The following FCHSD2 variants were observed in gnomAD, a reference collection of about 807,000 sequenced individuals.
FCHSD2 encodes the protein F-BAR and double SH3 domains protein 2.
FCHSD2 carries 38 observed loss-of-function variants against 108.1 expected under a neutral mutation model. The ratio of observed to expected loss-of-function variants is 0.35; its 90% CI spans 0.27 to 0.46. FCHSD2 has a LOEUF of 0.46. FCHSD2 is among the 20% of genes least tolerant of loss of function. The pLI, the probability that FCHSD2 is intolerant of heterozygous loss-of-function variation, is 1.00. For synonymous variants in FCHSD2, 279 were observed against 314.7 expected, an observed-to-expected ratio of 0.89 and a Z score of 1.20; for missense variants, 751 against 897.8, an observed-to-expected ratio of 0.84 and a Z score of 2.09.
At chr11:72,904,797 A>C (rs952844960) in intron 9 of FCHSD2, among the ~76,000 whole-genome samples, 1 of 152,074 alleles carries the variant, frequency 6.6e-6, no homozygotes, top group Non-Finnish European at 1.5e-5. Flanking sequence ...TTCTTCATCT[A>C]TCTCTCCTTT....
At chr11:72,897,123 A>G (rs551681233) in intron 10 of FCHSD2, among the ~76,000 whole-genome samples, 94 of 152,146 alleles carry the variant, frequency 6.2e-4, no homozygotes, top group African/African-American at 2.2e-3. Context: ...GTGAGCCACC[A>G]CGCCCGGCCG....
chr11:73,124,137 A>T (rs536564510), intron 2 of FCHSD2, among the ~76,000 whole-genome samples: 1 of 152,238 alleles, frequency 6.6e-6, no homozygotes, highest in South Asian at 2.1e-4. Context: ...GGAAACCATC[A>T]CTCTGAGCAA....
chr11:72,976,716 T>C (rs1235657047), intron 8 of FCHSD2, among the ~76,000 whole-genome samples: 2 of 152,016 alleles, frequency 1.3e-5, no homozygotes, highest in Non-Finnish European at 2.9e-5. Context: ...CACAGACCAA[T>C]GGAACAGAAG....
chr11:73,094,658 T>C (rs1368938689), intron 2 of FCHSD2, among the ~76,000 whole-genome samples: 1 of 152,212 alleles, frequency 6.6e-6, no homozygotes, highest in Non-Finnish European at 1.5e-5. Context: ...TGCTTAAATA[T>C]ACCTCATATT....
In FCHSD2 at chr11:73,001,015, C is replaced by T. The variant is rs776890422; in HGVS notation, c.362G>A (p.Ser121Asn). The T allele has an allele frequency of 1.2e-6, 2 of 1,610,234 alleles. No individual in the cohort carries two copies. The highest frequency in any genetic ancestry group is 2.2e-5 in the South Asian group (2 of 90,248). Residue 121 changes from serine to asparagine, a missense_variant, in exon 5 of 20, where the codon AGC (serine) becomes AAC (asparagine). Transcript: ENST00000409418. ...FISEPARTVR[S>N]LKEQQLKRCV... ...CCTTTTTAGTTGCTGTTCTTTTAAGCTTCTCACTGTCCTTGCAGGCTCAGA... is the reference window on the plus strand; with the variant it reads ...CCTTTTTAGTTGCTGTTCTTTTAAGTTTCTCACTGTCCTTGCAGGCTCAGA...
At chr11:73,040,209 C>T (rs1858601152) in intron 3 of FCHSD2, among the ~76,000 whole-genome samples, 1 of 152,146 alleles carries the variant, frequency 6.6e-6, no homozygotes, top group African/African-American at 2.4e-5. Context: ...CCACAATGGC[C>T]CCAAAGACGA....
intron 14 of FCHSD2, among the ~76,000 whole-genome samples, chr11:72,847,225 C>G (rs1437570955): frequency 6.6e-6 from 1 of 152,122 alleles, no homozygotes; most frequent in African/African-American, 2.4e-5. Flanking sequence ...CTCAAACTCC[C>G]GGCTTCAAGT....
chr11:72,994,790 T>A (rs146778682), intron 5 of FCHSD2, among the ~76,000 whole-genome samples: 118 of 152,090 alleles, frequency 7.8e-4, no homozygotes, highest in African/African-American at 2.7e-3. Context: ...AAAAAAGATA[T>A]AGTGCAAACT....
At chr11:72,893,409 A>G (rs1167615623) in intron 10 of FCHSD2, among the ~76,000 whole-genome samples, 1 of 152,072 alleles carries the variant, frequency 6.6e-6, no homozygotes, top group Non-Finnish European at 1.5e-5. Context: ...TTGACCTCCC[A>G]AGCTCAAGCA....
intron 2 of FCHSD2, 111 bp downstream of exon 2, chr11:73,139,920 A>T (rs1406226765): frequency 1.7e-6 from 1 of 601,464 alleles, no homozygotes; most frequent in Admixed American, 3.6e-5. Flanking sequence ...TAACAGCCTT[A>T]AAGCAGGAAA....
At chr11:73,117,416 T>G (rs1860629994) in intron 2 of FCHSD2, among the ~76,000 whole-genome samples, 1 of 152,208 alleles carries the variant, frequency 6.6e-6, no homozygotes, top group South Asian at 2.1e-4. Flanking sequence ...CTTTTAGGCA[T>G]ATTTTGGGTT....
chr11:73,081,185 C>G (rs1859675815), intron 3 of FCHSD2, among the ~76,000 whole-genome samples: 1 of 152,046 alleles, frequency 6.6e-6, no homozygotes, highest in Non-Finnish European at 1.5e-5. Context: ...CCTGAAATCC[C>G]AACACTTTGG....
chr11:73,084,027 C>G (rs1209185581), intron 2 of FCHSD2, among the ~76,000 whole-genome samples: 1 of 152,170 alleles, frequency 6.6e-6, no homozygotes, highest in Admixed American at 6.5e-5. Context: ...AATAACAGTA[C>G]TCACCTCATA....
At chr11:72,995,812 G>A (rs970847570) in intron 5 of FCHSD2, among the ~76,000 whole-genome samples, 14 of 151,324 alleles carry the variant, frequency 9.3e-5, no homozygotes, top group African/African-American at 3.4e-4. Flanking sequence ...ACAAATAAAA[G>A]TAACCTGGGC....
intron 2 of FCHSD2, among the ~76,000 whole-genome samples, chr11:73,103,140 G>C (rs1165979408): frequency 6.6e-6 from 1 of 152,170 alleles, no homozygotes; most frequent in Non-Finnish European, 1.5e-5. Flanking sequence ...TAGGATGATG[G>C]AAATGTTCTA....
chr11:73,038,530 A>T (rs1858554730), intron 3 of FCHSD2, among the ~76,000 whole-genome samples: 1 of 152,132 alleles, frequency 6.6e-6, no homozygotes, highest in Admixed American at 6.5e-5. Flanking sequence ...AAAAGAATGA[A>T]ATCTTGTCCT....
At chr11:72,979,584 A>C (rs936531640) in intron 8 of FCHSD2, among the ~76,000 whole-genome samples, 3 of 152,236 alleles carry the variant, frequency 2.0e-5, no homozygotes, top group African/African-American at 7.2e-5. Context: ...GAAAACAATG[A>C]GGTATGGACT....
chr11:72,967,116 C>A (rs1170588983), intron 8 of FCHSD2, among the ~76,000 whole-genome samples: 1 of 151,186 alleles, frequency 6.6e-6, no homozygotes, highest in African/African-American at 2.4e-5. Flanking sequence ...AGGAGAATGG[C>A]GTGAACCCGG....
At chr11:73,049,545 GA>G (rs1858844851) in intron 3 of FCHSD2, among the ~76,000 whole-genome samples, 3 of 122,740 alleles carry the variant, frequency 2.4e-5, no homozygotes, top group Non-Finnish European at 5.0e-5. Context: ...GGGGTCGGGG[GA>G]GGGGGGAGGG....
Sources: allele counts gnomAD v4.1 joint callset (sites outside exome capture counted in the v4.1 genomes callset), GRCh38; gene constraint gnomAD v4.1.1; transcripts MANE v1.5; gene names NCBI Gene and HGNC (gene_info 2026-07-23, HGNC 2026-07-21).